Variants in BRINP2 observed in about 807,000 individuals in gnomAD.
BRINP2 encodes BMP/retinoic acid-inducible neural-specific protein 2.
In BRINP2, 21 loss-of-function variants were observed where a neutral mutation model predicts 69.2. That is an observed-to-expected ratio of 0.30 (90% CI 0.22 to 0.44). BRINP2 has a LOEUF of 0.44. BRINP2 is among the 20% of genes least tolerant of loss of function. The pLI is 1.00. For missense variants in BRINP2, 877 were observed against 986.0 expected, an observed-to-expected ratio of 0.89 and a Z score of 1.48; for synonymous variants, 380 against 394.1, an observed-to-expected ratio of 0.96 and a Z score of 0.42.
chr1:177,280,237 C>T (rs1455462206), intron 7 of BRINP2, among the ~76,000 whole-genome samples, 175 bp from the exon 8 acceptor site: 2 of 152,182 alleles, frequency 1.3e-5, no homozygotes, highest in Non-Finnish European at 2.9e-5. Context: ...GAGCTCTAGG[C>T]TTTGCTCAAT....
At chr1:177,277,734 A>G (rs1342876996) in intron 6 of BRINP2, among the ~76,000 whole-genome samples, 1 of 152,006 alleles carries the variant, frequency 6.6e-6, no homozygotes, top group African/African-American at 2.4e-5. Flanking sequence ...TATGGTCCAT[A>G]ACATGACTTT....
chr1:177,279,919 AAG>A (rs1651638034), intron 7 of BRINP2, among the ~76,000 whole-genome samples: 1 of 152,196 alleles, frequency 6.6e-6, no homozygotes, highest in Non-Finnish European at 1.5e-5. Context: ...GAGGTAACAT[AAG>A]AGCTAAAATC....
At chr1:177,273,348 G>T in intron 4 of BRINP2, 140 bp from the exon 5 acceptor site, 1 of 500,886 alleles carries the variant, frequency 2.0e-6, no homozygotes. Flanking sequence ...TATACCTCTG[G>T]AGTACGAAAA....
chr1:177,170,998 C>T lies in BRINP2; in HGVS notation c.-811C>T, dbSNP rs1647907849. 6.6e-6 allele frequency among the ~76,000 whole-genome samples: 1 copy of T among 152,262 alleles called. No individual in the cohort carries two copies. The highest frequency in any genetic ancestry group is 2.4e-5 in the African/African-American group (1 of 41,474). On this transcript the variant is annotated 5_prime_UTR_variant, in exon 1 of 8. Coordinates refer to ENST00000361539, the MANE Select transcript of BRINP2 (RefSeq NM_021165.4). ...ACTGCTTAGGTACGGAGCGCGGAGT[C>T]GGAGCGGGGACGCGCCGGGCTGCAG...
chr1:177,230,186 A>AT, intron 2 of BRINP2, 41 bp downstream of exon 2: 1 of 1,555,058 alleles, frequency 6.4e-7, no homozygotes, highest in South Asian at 1.2e-5. Flanking sequence ...TTCCCTAAGA[A>AT]CCCAACCTGC....
At chr1:177,186,161 TA>T (rs1417094523) in intron 1 of BRINP2, among the ~76,000 whole-genome samples, 1 of 152,106 alleles carries the variant, frequency 6.6e-6, no homozygotes, top group African/African-American at 2.4e-5. Flanking sequence ...TGGAATACAG[TA>T]GGCTGGCCCT....
intron 1 of BRINP2, among the ~76,000 whole-genome samples, chr1:177,209,253 T>C (rs1055960226): frequency 6.6e-6 from 1 of 151,902 alleles, no homozygotes; most frequent in East Asian, 1.9e-4. Flanking sequence ...TCTGAAACCA[T>C]CTTTAATTGA....
chr1:177,250,504 T>C (rs1284152235), intron 2 of BRINP2, among the ~76,000 whole-genome samples: 1 of 152,128 alleles, frequency 6.6e-6, no homozygotes, highest in East Asian at 1.9e-4. Context: ...TTTTTGTATT[T>C]TTAGTAGAGA....
rs1398005981 is a variant in BRINP2 at position 177,278,720 on chromosome 1, A to T, written c.1170A>T (p.Leu390=). ...TGTTCAAAAAGACCCATCGGATCCT[A>T]CGCCGGCTCTTCAACCTCTGCAAGC... ...KVLFKKTHRI[L]RRLFNLCKRC... The change falls in exon 7 of 8, where the codon CTA becomes CTT. Residue 390 remains leucine, a synonymous_variant. Transcript: ENST00000361539. 6.2e-7 allele frequency: 1 copy of T among 1,614,168 alleles called. No homozygotes were observed. The highest frequency in any genetic ancestry group is 1.1e-5 in the South Asian group (1 of 91,078).
chr1:177,221,804 C>T (rs1415801816), intron 1 of BRINP2, among the ~76,000 whole-genome samples: 3 of 152,182 alleles, frequency 2.0e-5, no homozygotes. Flanking sequence ...AACCAGGGAA[C>T]AGAGGCTGTA....
At chr1:177,233,425 A>G (rs1649922719) in intron 2 of BRINP2, among the ~76,000 whole-genome samples, 1 of 152,254 alleles carries the variant, frequency 6.6e-6, no homozygotes, top group African/African-American at 2.4e-5. Context: ...TATTTGATGT[A>G]GGCACTTAGG....
chr1:177,221,002 T>C (rs772865423), intron 1 of BRINP2, among the ~76,000 whole-genome samples: 4 of 152,350 alleles, frequency 2.6e-5, no homozygotes, highest in South Asian at 4.1e-4. Context: ...TTGTGTACTT[T>C]AAGATTTTAG....
chr1:177,199,571 A>G (rs1359209849), intron 1 of BRINP2, among the ~76,000 whole-genome samples: 2 of 152,238 alleles, frequency 1.3e-5, no homozygotes, highest in African/African-American at 4.8e-5. Context: ...CCGTCAGGCT[A>G]CAGCTGAAGT....
At chr1:177,271,803 C>T (rs1262353094) in intron 4 of BRINP2, among the ~76,000 whole-genome samples, 1 of 152,144 alleles carries the variant, frequency 6.6e-6, no homozygotes, top group African/African-American at 2.4e-5. Context: ...CCCTCCCTTC[C>T]CTGCCACCCC....
intron 4 of BRINP2, 65 bp downstream of exon 4, chr1:177,257,449 A>G: frequency 7.0e-7 from 1 of 1,434,400 alleles, no homozygotes; most frequent in African/African-American, 1.4e-5. Flanking sequence ...GGGAGGCCAG[A>G]GCCTCAACCA....
chr1:177,276,110 T>A, intron 5 of BRINP2, 88 bp from the exon 6 acceptor site: 1 of 1,271,790 alleles, frequency 7.9e-7, no homozygotes, highest in Non-Finnish European at 1.1e-6. Flanking sequence ...TCAGCAGAAC[T>A]CCAGCTGGGA....
chr1:177,259,257 T>A (rs1650864280), intron 4 of BRINP2, among the ~76,000 whole-genome samples: 1 of 152,202 alleles, frequency 6.6e-6, no homozygotes, highest in African/African-American at 2.4e-5. Context: ...AGCCAAAGCC[T>A]AATCCAGAGT....
chr1:177,251,503 A>T (rs1472459893), intron 2 of BRINP2, among the ~76,000 whole-genome samples: 1 of 152,186 alleles, frequency 6.6e-6, no homozygotes, highest in Non-Finnish European at 1.5e-5. Flanking sequence ...CAACTCTGTC[A>T]TTTACTAACT....
chr1:177,196,585 T>G (rs1282183251), intron 1 of BRINP2, among the ~76,000 whole-genome samples: 1 of 150,872 alleles, frequency 6.6e-6, no homozygotes, highest in Non-Finnish European at 1.5e-5. Flanking sequence ...GCCACTGCAC[T>G]CCAGCCTGGG....
Sources: gnomAD v4.1 joint callset for allele counts (sites outside exome capture counted in the v4.1 genomes callset) on GRCh38, gnomAD v4.1.1 for gene constraint, MANE v1.5 for transcripts, NCBI Gene and HGNC (gene_info 2026-07-23, HGNC 2026-07-21) for gene names.